The following SEC23A variants were observed in gnomAD, a reference collection of about 807,000 sequenced individuals.
SEC23A encodes the protein protein transport protein Sec23A.
A neutral mutation model predicts 103.7 loss-of-function variants in SEC23A; 56 were observed. The observed-to-expected ratio is 0.54, with a 90% CI of 0.44 to 0.67. The LOEUF (loss-of-function observed/expected upper bound fraction) is 0.67, where lower values mean the gene tolerates loss of function less well. SEC23A is among the 30% of genes least tolerant of loss of function. SEC23A has a pLI of 0.00. For synonymous variants in SEC23A, 281 were observed against 293.0 expected (o/e 0.96, Z 0.42); for missense variants, 784 against 936.4 (o/e 0.84, Z 2.12).
intron 13 of SEC23A, among the ~76,000 whole-genome samples, chr14:39,059,299 A>AAAAAAAAAAC (rs1886381403): frequency 2.7e-5 from 2 of 75,298 alleles, no homozygotes; most frequent in Non-Finnish European, 3.3e-5. Context: ...AAAAAAAAAA[A>AAAAAAAAAAC]AAAAAAAAAA....
chr14:39,051,794 C>T (rs536260793), intron 14 of SEC23A, among the ~76,000 whole-genome samples: 109 of 151,940 alleles, frequency 7.2e-4, no homozygotes, highest in African/African-American at 2.5e-3. Flanking sequence ...GAAATCCCGT[C>T]TCTACTAAAA....
intron 7 of SEC23A, among the ~76,000 whole-genome samples, chr14:39,081,030 C>T (rs1026403720): frequency 3.3e-5 from 5 of 152,086 alleles, no homozygotes; most frequent in African/African-American, 1.2e-4. Context: ...CATGGCAAGA[C>T]TCTGTCTCTA....
At chr14:39,052,200 G>A (rs991049285) in intron 14 of SEC23A, among the ~76,000 whole-genome samples, 4 of 151,994 alleles carry the variant, frequency 2.6e-5, no homozygotes, top group Non-Finnish European at 5.9e-5. Flanking sequence ...GCTAATAGAT[G>A]CTGGCCTATA....
intron 13 of SEC23A, 114 bp from the exon 14 acceptor site, chr14:39,055,410 ATTT>A (rs11301994): frequency 4.2e-4 from 343 of 815,716 alleles, no homozygotes; most frequent in East Asian, 1.0e-3. Context: ...AACTACTAGG[ATTT>A]TTTTTTTTTT....
At chr14:39,035,422 TTGA>T (rs1885426528) in intron 19 of SEC23A, among the ~76,000 whole-genome samples, 1 of 152,196 alleles carries the variant, frequency 6.6e-6, no homozygotes, top group South Asian at 2.1e-4. Context: ...TTTTTTTCCA[TTGA>T]TAATAGTGAA....
At chr14:39,050,333 C>A (rs982010554) in intron 14 of SEC23A, among the ~76,000 whole-genome samples, 2 of 152,158 alleles carry the variant, frequency 1.3e-5, no homozygotes, top group African/African-American at 4.8e-5. Flanking sequence ...ATTATTTATG[C>A]ATAAAGGCAG....
rs1887005623 is a variant in SEC23A at position 39,076,077 on chromosome 14, G to A, written c.845C>T (p.Thr282Ile). Residue 282 changes from threonine (T) to isoleucine (I), a missense_variant, in exon 8 of 20, where the codon ACT becomes ATT. Thr to Ile is a moderately conservative substitution (Grantham distance 89, BLOSUM62 -1). Transcript: ENST00000307712. ...VGLLECTFPN[T>I]GARIMMFIGG... ...AATGAACATCATGATACGAGCACCA[G>A]TGTTGGGAAAAGTACACTATTAAAA... The A allele has an allele frequency of 6.2e-7, 1 of 1,612,532 alleles. No individual in the cohort carries two copies. Among genetic ancestry groups the A allele is most frequent in the Non-Finnish European group, 8.5e-7 (1 of 1,179,176 alleles).
At chr14:39,089,927 G>T (rs1197013414) in intron 5 of SEC23A, among the ~76,000 whole-genome samples, 2 of 152,244 alleles carry the variant, frequency 1.3e-5, no homozygotes, top group Non-Finnish European at 2.9e-5. Flanking sequence ...ATGCAGTCCA[G>T]CCTGGGTGAC....
chr14:39,043,213 C>G (rs1175069683), intron 16 of SEC23A, among the ~76,000 whole-genome samples: 1 of 152,106 alleles, frequency 6.6e-6, no homozygotes, highest in East Asian at 1.9e-4. Flanking sequence ...AATTCCTGGG[C>G]TGAAGTGATC....
intron 7 of SEC23A, among the ~76,000 whole-genome samples, chr14:39,077,227 CAA>C (rs57549556): frequency 1.1e-4 from 4 of 36,476 alleles, no homozygotes; most frequent in African/African-American, 2.6e-4. Context: ...GACTCCATCT[CAA>C]AAAAAAAAAA....
chr14:39,097,521 T>C (rs956145680), intron 1 of SEC23A, among the ~76,000 whole-genome samples: 2 of 152,180 alleles, frequency 1.3e-5, no homozygotes, highest in Admixed American at 6.5e-5. Flanking sequence ...AAGTTAGATA[T>C]AACAATTTTA....
chr14:39,079,924 T>C (rs1427466449), intron 7 of SEC23A, among the ~76,000 whole-genome samples: 1 of 152,216 alleles, frequency 6.6e-6, no homozygotes, highest in Non-Finnish European at 1.5e-5. Context: ...CCATTGCATA[T>C]TGTTTGAATG....
chr14:39,044,489 G>A (rs1885763054), intron 16 of SEC23A, among the ~76,000 whole-genome samples: 1 of 151,934 alleles, frequency 6.6e-6, no homozygotes, highest in Non-Finnish European at 1.5e-5. Context: ...CATCATGAGG[G>A]ATCATTAATC....
chr14:39,056,951 T>C (rs768114981), intron 13 of SEC23A, among the ~76,000 whole-genome samples: 35 of 152,114 alleles, frequency 2.3e-4, no homozygotes, highest in Non-Finnish European at 4.4e-4. Context: ...TAGTCCCAGT[T>C]ATTCAGGAGG....
intron 13 of SEC23A, among the ~76,000 whole-genome samples, chr14:39,057,038 T>C (rs910553879): frequency 3.3e-5 from 5 of 151,972 alleles, no homozygotes; most frequent in Middle Eastern, 3.2e-3. Context: ...TCTAGGCTGG[T>C]TGCGGTGGCT....
intron 5 of SEC23A, chr14:39,087,539 A>G (rs189888279): frequency 6.5e-6 from 1 of 153,452 alleles, no homozygotes; most frequent in Admixed American, 6.5e-5. Flanking sequence ...ACCTATATAC[A>G]TCTTGATTTT....
At chr14:39,101,486 C>T (rs1888093277) in intron 1 of SEC23A, among the ~76,000 whole-genome samples, 3 of 151,874 alleles carry the variant, frequency 2.0e-5, no homozygotes, top group South Asian at 2.1e-4. Context: ...GGCATGGTGG[C>T]GGTCGCCTGT....
chr14:39,084,784 C>T (rs1486535749), intron 7 of SEC23A, among the ~76,000 whole-genome samples: 2 of 152,210 alleles, frequency 1.3e-5, no homozygotes, highest in African/African-American at 4.8e-5. Flanking sequence ...ATTCTCCCTG[C>T]TTCAGCCTCC....
At chr14:39,062,575 T>A (rs1009254349) in intron 12 of SEC23A, among the ~76,000 whole-genome samples, 15 of 152,144 alleles carry the variant, frequency 9.9e-5, no homozygotes, top group Admixed American at 9.2e-4. Flanking sequence ...AATAGCAATA[T>A]ATAATAATTA....
Sources: gnomAD v4.1 joint callset for allele counts (sites outside exome capture counted in the v4.1 genomes callset) on GRCh38, gnomAD v4.1.1 for gene constraint, MANE v1.5 for transcripts, NCBI Gene and HGNC (gene_info 2026-07-23, HGNC 2026-07-21) for gene names.